MAP4K4: variants seen among roughly 807,000 people sequenced by gnomAD.
The protein encoded by MAP4K4 is HPK/GCK-like kinase HGK.
MAP4K4 carries 38 observed loss-of-function variants against 189.6 expected under a neutral mutation model. The ratio of observed to expected loss-of-function variants is 0.20; its 90% CI spans 0.15 to 0.26. The LOEUF is 0.26. Ranked by LOEUF, MAP4K4 falls within the 10% of genes least tolerant of loss-of-function variation. The pLI, the probability that MAP4K4 is intolerant of heterozygous loss-of-function variation, is 1.00. For missense variants in MAP4K4, 1,054 were observed against 1,726.9 expected (o/e 0.61, Z 6.91); for synonymous variants, 610 against 624.3 (o/e 0.98, Z 0.34).
In MAP4K4 at chr2:101,712,257, C is replaced by A. The variant is rs35594274; in HGVS notation, c.123+13719C>A. Among the ~76,000 whole-genome samples, 4 of 151,650 alleles carry A rather than the reference C, an allele frequency of 2.6e-5. No individual in the cohort carries two copies. The East Asian group carries it at 7.8e-4, about 30-fold the overall frequency. ...TCACTCAGGCTGGAGTACAGTGGTG[C>A]GATCTCGGCTCACTGCAACCTCTGC... On this transcript the variant is annotated intron_variant, in intron 2 of 32. Coordinates refer to ENST00000324219, the Ensembl canonical transcript of MAP4K4.
chr2:101,743,497 T>C (rs1281442730), intron 2 of MAP4K4, among the ~76,000 whole-genome samples: 1 of 152,180 alleles, frequency 6.6e-6, no homozygotes, highest in Non-Finnish European at 1.5e-5. Context: ...CCTATTCATG[T>C]GACAGGGCCT....
At chr2:101,703,993 T>C (rs13023942) in intron 2 of MAP4K4, among the ~76,000 whole-genome samples, 152,284 of 152,286 alleles carry the variant, frequency 1, 76,141 homozygotes, top group Middle Eastern at 1. Flanking sequence ...CTAGCCTGGG[T>C]GACAGAGCCA....
At chr2:101,719,348 T>A (rs1188226503) in intron 2 of MAP4K4, among the ~76,000 whole-genome samples, 1 of 152,188 alleles carries the variant, frequency 6.6e-6, no homozygotes, top group Non-Finnish European at 1.5e-5. Flanking sequence ...AAGTAAGTGT[T>A]TGAGACAGTG....
chr2:101,808,777 A>AT (rs2095213570), intron 3 of MAP4K4, among the ~76,000 whole-genome samples: 1 of 152,038 alleles, frequency 6.6e-6, no homozygotes, highest in Non-Finnish European at 1.5e-5. Context: ...TAAAGCATTA[A>AT]TGTATATTTT....
At chr2:101,733,033 G>C (rs2059127907) in intron 2 of MAP4K4, among the ~76,000 whole-genome samples, 1 of 152,228 alleles carries the variant, frequency 6.6e-6, no homozygotes, top group South Asian at 2.1e-4. Context: ...ATGTTACTAC[G>C]TCCCAAGAAG....
At chr2:101,723,359 G>A (rs2053352887) in intron 2 of MAP4K4, among the ~76,000 whole-genome samples, 1 of 152,234 alleles carries the variant, frequency 6.6e-6, no homozygotes, top group Non-Finnish European at 1.5e-5. Context: ...TTTGTACTAA[G>A]TGTAGGAGAG....
At chr2:101,699,986 GTTGT>G (rs1331789271) in intron 2 of MAP4K4, among the ~76,000 whole-genome samples, 2 of 152,304 alleles carry the variant, frequency 1.3e-5, no homozygotes, top group African/African-American at 2.4e-5. Flanking sequence ...TCCCCGGTCT[GTTGT>G]TTGTTTAAGC....
intron 2 of MAP4K4, among the ~76,000 whole-genome samples, chr2:101,704,560 TATATA>T (rs2041008302): frequency 3.8e-5 from 3 of 78,276 alleles, no homozygotes; most frequent in African/African-American, 1.5e-4. Flanking sequence ...TATATATATA[TATATA>T]TATTTTTTTT....
At chr2:101,855,835 T>G (rs913348759) in intron 12 of MAP4K4, 142 bp from the exon 13 acceptor site, 11 of 687,528 alleles carry the variant, frequency 1.6e-5, no homozygotes, top group Non-Finnish European at 2.6e-5. Context: ...AGGGGCAGTG[T>G]GGAAATAATT....
chr2:101,886,931 A>G (rs2098494589), intron 29 of MAP4K4, among the ~76,000 whole-genome samples, 157 bp from the exon 30 acceptor site: 1 of 151,564 alleles, frequency 6.6e-6, no homozygotes, highest in South Asian at 2.1e-4. Context: ...AGGCTGAGGC[A>G]GGAGAATGGT....
chr2:101,772,081 C>G (rs1015568439), intron 2 of MAP4K4, among the ~76,000 whole-genome samples: 1 of 152,212 alleles, frequency 6.6e-6, no homozygotes, highest in Admixed American at 6.5e-5. Flanking sequence ...TGCCAGGGTT[C>G]AAAAGTCTGT....
Position 101,886,019 on chromosome 2 carries a change from G to A in MAP4K4, c.3621+732G>A, listed in dbSNP as rs180709274. 4.3e-4 allele frequency among the ~76,000 whole-genome samples: 65 copies of A among 152,156 alleles called. 1 individual carries two copies. Among genetic ancestry groups the A allele is most frequent in the Non-Finnish European group, 2.9e-5 (2 of 67,974 alleles). ...TTGAAGGGGTAGGTTTCATTTATTTGCAAAATTTGTGTTTTTGGATTGCTT... is the reference window on the plus strand; with the variant it reads ...TTGAAGGGGTAGGTTTCATTTATTTACAAAATTTGTGTTTTTGGATTGCTT... On this transcript the variant is annotated intron_variant, in intron 29 of 32. Coordinates refer to ENST00000324219, the Ensembl canonical transcript of MAP4K4.
At chr2:101,777,528 C>T (rs888464677) in intron 2 of MAP4K4, among the ~76,000 whole-genome samples, 11 of 152,212 alleles carry the variant, frequency 7.2e-5, no homozygotes, top group African/African-American at 2.4e-4. Context: ...AGTCATTCAT[C>T]GCCTCCATCT....
At chr2:101,883,805 A>T (rs973664041) in intron 28 of MAP4K4, among the ~76,000 whole-genome samples, 6 of 152,064 alleles carry the variant, frequency 3.9e-5, no homozygotes, top group African/African-American at 1.4e-4. Flanking sequence ...GTTTGTCTGC[A>T]CCCCTCAGCT....
intron 2 of MAP4K4, among the ~76,000 whole-genome samples, chr2:101,781,518 C>T (rs775372064): frequency 2.0e-5 from 3 of 152,048 alleles, no homozygotes; most frequent in Non-Finnish European, 4.4e-5. Flanking sequence ...TGCATCATAA[C>T]GTGGAAGGCA....
At chr2:101,852,841 A>G (rs1229706576) in intron 12 of MAP4K4, among the ~76,000 whole-genome samples, 2 of 152,166 alleles carry the variant, frequency 1.3e-5, no homozygotes, top group East Asian at 1.9e-4. Flanking sequence ...CAACAGAGAC[A>G]GGGGAAAAAA....
At chr2:101,747,425 C>T (rs565210372) in intron 2 of MAP4K4, among the ~76,000 whole-genome samples, 7 of 152,208 alleles carry the variant, frequency 4.6e-5, no homozygotes, top group Admixed American at 3.3e-4. Flanking sequence ...GCCTTGTGTC[C>T]GTATTCTTAG....
chr2:101,823,914 T>C lies in MAP4K4; in HGVS notation c.181-14T>C. 2 of 1,586,996 alleles carry C rather than the reference T, an allele frequency of 1.3e-6. No homozygotes were observed. The highest frequency in any genetic ancestry group is 1.7e-6 in the Non-Finnish European group (2 of 1,166,326). On this transcript the variant is annotated splice_polypyrimidine_tract_variant and intron_variant, in intron 3 of 32. Coordinates refer to ENST00000324219, the Ensembl canonical transcript of MAP4K4. The stretch of plus-strand genomic sequence containing the variant: ...GTTCAGTAGCCACACATTTTATTTT[T>C]ATTTTTTCATAAGGATGAAGAGGAA...
intron 24 of MAP4K4, among the ~76,000 whole-genome samples, chr2:101,872,178 TG>T (rs1355034140): frequency 1.3e-5 from 2 of 151,848 alleles, no homozygotes; most frequent in Middle Eastern, 3.2e-3. Context: ...TTTTCTTGTT[TG>T]GGGGGTGGGT....
Sources: gnomAD v4.1 joint callset for allele counts (sites outside exome capture counted in the v4.1 genomes callset) on GRCh38, gnomAD v4.1.1 for gene constraint, MANE v1.5 for transcripts, NCBI Gene and HGNC (gene_info 2026-07-23, HGNC 2026-07-21) for gene names.